LINGO2: variants seen among roughly 807,000 people sequenced by gnomAD.
The protein encoded by LINGO2 is leucine rich repeat and Ig domain containing 2.
In LINGO2, 14 loss-of-function variants were observed where a neutral mutation model predicts 30.6. That is an observed-to-expected ratio of 0.46 (90% confidence interval 0.30 to 0.72). LINGO2 has a LOEUF of 0.72. Ranked by LOEUF, LINGO2 falls within the 30% of genes least tolerant of loss-of-function variation. LINGO2 has a pLI of 0.07. For missense variants in LINGO2, 729 were observed against 751.7 expected (o/e 0.97, Z 0.35); for synonymous variants, 317 against 288.5 (o/e 1.10, Z -1.00).
At chr9:28,046,622 T>A (rs1198062801) in intron 4 of LINGO2, among the ~76,000 whole-genome samples, 2 of 152,208 alleles carry the variant, frequency 1.3e-5, no homozygotes, top group Non-Finnish European at 2.9e-5. Context: ...TTTTACTGTC[T>A]CCTTGAAATT....
At chr9:29,125,435 A>ATC in the LINGO2 span, among the ~76,000 whole-genome samples, 1 of 152,008 alleles carries the variant, frequency 6.6e-6, no homozygotes, top group South Asian at 2.1e-4. Flanking sequence ...ATTTAAAAAT[A>ATC]TATATATATA....
chr9:28,049,526 G>T (rs1824574223), intron 4 of LINGO2, among the ~76,000 whole-genome samples: 1 of 150,584 alleles, frequency 6.6e-6, no homozygotes, highest in Non-Finnish European at 1.5e-5. Context: ...AGCATGGTGA[G>T]TAAGAAATAT....
At chr9:28,445,401 G>A (rs750042003) in intron 2 of LINGO2, among the ~76,000 whole-genome samples, 1 of 152,124 alleles carries the variant, frequency 6.6e-6, no homozygotes, top group Non-Finnish European at 1.5e-5. Flanking sequence ...ATCTTCCGCA[G>A]ATCAAGCATA....
intron 4 of LINGO2, among the ~76,000 whole-genome samples, chr9:28,097,858 A>G (rs1826293067): frequency 1.0e-5 from 1 of 96,524 alleles, no homozygotes; most frequent in Non-Finnish European, 2.0e-5. Flanking sequence ...AAAAAATAAA[A>G]GATACACAAC....
the LINGO2 span, among the ~76,000 whole-genome samples, chr9:29,188,062 G>A: frequency 1.5e-4 from 18 of 118,422 alleles, no homozygotes; most frequent in Non-Finnish European, 2.5e-4. Flanking sequence ...GGTGTTTCTC[G>A]CAGAGGGGGA....
chr9:28,075,185 T>A (rs980838400), intron 4 of LINGO2, among the ~76,000 whole-genome samples: 2 of 151,970 alleles, frequency 1.3e-5, no homozygotes, highest in Admixed American at 1.3e-4. Context: ...TAGTTTTACA[T>A]ATTTTAAAAT....
intron 4 of LINGO2, among the ~76,000 whole-genome samples, chr9:28,231,796 G>T (rs1230381006): frequency 6.6e-6 from 1 of 151,966 alleles, no homozygotes; most frequent in Non-Finnish European, 1.5e-5. Context: ...AACACACTCA[G>T]TTTCAATGAT....
intron 1 of LINGO2, among the ~76,000 whole-genome samples, chr9:28,665,404 C>T (rs1828760937): frequency 6.6e-6 from 1 of 152,042 alleles, no homozygotes; most frequent in African/African-American, 2.4e-5. Context: ...ATTCCACACA[C>T]ACACATGCAA....
At chr9:28,720,939 A>T in the LINGO2 span, among the ~76,000 whole-genome samples, 1 of 152,060 alleles carries the variant, frequency 6.6e-6, no homozygotes, top group Non-Finnish European at 1.5e-5. Context: ...GTTGTCTCTC[A>T]GGAGGAGGGC....
chr9:28,535,763 C>T (rs1821414388), intron 1 of LINGO2, among the ~76,000 whole-genome samples: 1 of 151,924 alleles, frequency 6.6e-6, no homozygotes, highest in African/African-American at 2.4e-5. Context: ...AACTGGACAG[C>T]TACACTTAAC....
chr9:28,056,121 C>T (rs1587784484), intron 4 of LINGO2, among the ~76,000 whole-genome samples: 1 of 152,190 alleles, frequency 6.6e-6, no homozygotes, highest in Non-Finnish European at 1.5e-5. Flanking sequence ...TGAGCGTCTA[C>T]CGCCCTTCCT....
At chr9:28,796,884 A>G in the LINGO2 span, among the ~76,000 whole-genome samples, 5 of 151,626 alleles carry the variant, frequency 3.3e-5, no homozygotes, top group African/African-American at 9.7e-5. Flanking sequence ...TTTGAGATAT[A>G]TTTTAGTATT....
At chr9:28,523,766 A>G (rs1820914046) in intron 1 of LINGO2, among the ~76,000 whole-genome samples, 1 of 152,204 alleles carries the variant, frequency 6.6e-6, no homozygotes, top group African/African-American at 2.4e-5. Context: ...TTATTGAAAG[A>G]AATTAAAGAA....
At chr9:28,525,695 G>T (rs1820997241) in intron 1 of LINGO2, among the ~76,000 whole-genome samples, 1 of 152,098 alleles carries the variant, frequency 6.6e-6, no homozygotes, top group Admixed American at 6.5e-5. Flanking sequence ...CTTATTTTGA[G>T]ATGGTGACAT....
intron 3 of LINGO2, among the ~76,000 whole-genome samples, chr9:28,357,557 C>A (rs892253299): frequency 6.6e-6 from 1 of 151,972 alleles, no homozygotes; most frequent in African/African-American, 2.4e-5. Flanking sequence ...TTAGAAACAA[C>A]TATAACCATA....
the LINGO2 span, among the ~76,000 whole-genome samples, chr9:28,679,839 T>C: frequency 3.3e-5 from 5 of 152,040 alleles, no homozygotes; most frequent in Non-Finnish European, 7.4e-5. Context: ...AAATTACATA[T>C]AGTTATCAAG....
At chr9:28,864,174 C>T in the LINGO2 span, among the ~76,000 whole-genome samples, 1 of 152,104 alleles carries the variant, frequency 6.6e-6, no homozygotes, top group Non-Finnish European at 1.5e-5. Context: ...CATATAATCT[C>T]ATATCCTATG....
chr9:28,568,642 C>T (rs1345942027), intron 1 of LINGO2, among the ~76,000 whole-genome samples: 1 of 151,748 alleles, frequency 6.6e-6, no homozygotes, highest in Non-Finnish European at 1.5e-5. Context: ...AAATTATCAG[C>T]AGATTAATAA....
chr9:28,573,189 C>A (rs1521732), intron 1 of LINGO2, among the ~76,000 whole-genome samples: 85,066 of 151,936 alleles, frequency 0.56, 24,458 homozygotes, highest in East Asian at 0.64. Flanking sequence ...TAAATCTGAA[C>A]TTTATGTCAG....
Sources: gnomAD v4.1 joint callset for allele counts (sites outside exome capture counted in the v4.1 genomes callset) on GRCh38, gnomAD v4.1.1 for gene constraint, MANE v1.5 for transcripts, NCBI Gene and HGNC (gene_info 2026-07-23, HGNC 2026-07-21) for gene names.